The following FCHSD2 variants were observed in gnomAD, a reference collection of about 807,000 sequenced individuals.
The protein encoded by FCHSD2 is FCH and double SH3 domains 2, also known as F-BAR and double SH3 domains protein 2.
Under a neutral mutation model 108.1 loss-of-function variants are expected in FCHSD2, and 38 were observed. That is an observed-to-expected ratio of 0.35 (90% CI 0.27 to 0.46). FCHSD2 has a LOEUF of 0.46. Ranked by LOEUF, FCHSD2 falls within the 20% of genes least tolerant of loss-of-function variation. The probability of loss-of-function intolerance (pLI) is 1.00; values close to 1 mark genes in which losing one functional copy is unlikely to be tolerated. For missense variants in FCHSD2, 751 were observed against 897.8 expected (o/e 0.84, Z 2.09); for synonymous variants, 279 against 314.7 (o/e 0.89, Z 1.20).
At chr11:73,132,848 G>A in intron 2 of FCHSD2, among the ~76,000 whole-genome samples, 1 of 145,016 alleles carries the variant, frequency 6.9e-6, no homozygotes, top group Non-Finnish European at 1.5e-5. Context: ...AAAAACCTCA[G>A]GTGATTCTTC....
chr11:73,040,591 C>A (rs1013886895), intron 3 of FCHSD2, among the ~76,000 whole-genome samples: 2 of 152,122 alleles, frequency 1.3e-5, no homozygotes, highest in Non-Finnish European at 2.9e-5. Flanking sequence ...TTCGGTTTTA[C>A]AATTTTTTGT....
chr11:72,979,098 T>C (rs974323090), intron 8 of FCHSD2, among the ~76,000 whole-genome samples: 4 of 152,120 alleles, frequency 2.6e-5, no homozygotes, highest in African/African-American at 9.7e-5. Context: ...CCTCAGGTGA[T>C]CTGCCCACCT....
chr11:72,900,646 A>G (rs1413861179), intron 10 of FCHSD2, among the ~76,000 whole-genome samples: 1 of 150,254 alleles, frequency 6.7e-6, no homozygotes, highest in East Asian at 2.0e-4. Flanking sequence ...GGAGAATGTG[A>G]ATAAGTCATT....
chr11:73,133,082 C>G (rs1158006435), intron 2 of FCHSD2, among the ~76,000 whole-genome samples: 1 of 152,122 alleles, frequency 6.6e-6, no homozygotes, highest in Non-Finnish European at 1.5e-5. Context: ...TTCACATCCA[C>G]TAGAATGCCT....
chr11:73,139,693 T>G lies in FCHSD2; in HGVS notation c.119+338A>C, dbSNP rs945188666. 2.0e-5 allele frequency among the ~76,000 whole-genome samples: 3 copies of G among 152,358 alleles called. No individual in the cohort carries two copies. The East Asian group carries it at 5.8e-4, about 29-fold the overall frequency. ...TTAACCACAAGTGTTGGTTTAAAAA[T>G]CTAACTGTGTAAAACCGTTAAGGTC... On this transcript the variant is annotated intron_variant, in intron 2 of 19. Transcript: ENST00000409418.
chr11:72,980,797 T>C lies in FCHSD2; in HGVS notation c.705+3291A>G, dbSNP rs951872540. Reference sequence around the variant, plus strand: ...ATACATCTCACTCTCTTCTACCATATTGAGCTCTTTGAGGATAAGTAGTAT... The same window carrying C: ...ATACATCTCACTCTCTTCTACCATACTGAGCTCTTTGAGGATAAGTAGTAT... On this transcript the variant is annotated intron_variant, in intron 8 of 19. Transcript: ENST00000409418. 3.3e-5 allele frequency among the ~76,000 whole-genome samples: 5 copies of C among 151,864 alleles called. No individual in the cohort carries two copies. In the South Asian group the frequency reaches 8.3e-4, roughly 25 times the overall value.
At chr11:72,900,311 T>C (rs756643048) in intron 10 of FCHSD2, 6 of 1,547,818 alleles carry the variant, frequency 3.9e-6, no homozygotes, top group African/African-American at 2.7e-5. Context: ...TATCCACCAG[T>C]TGGGCGGCTT....
intron 4 of FCHSD2, among the ~76,000 whole-genome samples, chr11:73,006,856 T>A (rs1857751975): frequency 6.6e-6 from 1 of 152,216 alleles, no homozygotes; most frequent in Non-Finnish European, 1.5e-5. Flanking sequence ...CAATACATAT[T>A]TACTGGAGGA....
intron 8 of FCHSD2, among the ~76,000 whole-genome samples, chr11:72,979,086 G>T (rs1435935718): frequency 6.6e-6 from 1 of 152,004 alleles, no homozygotes; most frequent in African/African-American, 2.4e-5. Flanking sequence ...TCAAACTCCT[G>T]ACCTCAGGTG....
chr11:73,043,990 G>C (rs1858699803), intron 3 of FCHSD2, among the ~76,000 whole-genome samples: 1 of 152,172 alleles, frequency 6.6e-6, no homozygotes, highest in African/African-American at 2.4e-5. Context: ...AGGTGAGTGA[G>C]AAATAAATTT....
intron 2 of FCHSD2, among the ~76,000 whole-genome samples, chr11:73,120,341 A>C (rs1591570173): frequency 6.6e-6 from 1 of 152,226 alleles, no homozygotes. Context: ...TTTAAGAACA[A>C]TGTACATTTT....
Position 72,843,194 on chromosome 11 carries a change from C to T in FCHSD2, c.1662G>A (p.Thr554=), listed in dbSNP as rs142624444. The T allele has an allele frequency of 1.6e-4, 254 of 1,613,968 alleles. No individual in the cohort carries two copies. The highest frequency in any genetic ancestry group is 8.2e-4 in the Middle Eastern group (5 of 6,062). The change falls in exon 16 of 20, where the codon ACG becomes ACA. Residue 554 remains threonine, a synonymous_variant. Coordinates refer to ENST00000409418, the MANE Select transcript of FCHSD2 (RefSeq NM_014824.3). Reference sequence around the variant, plus strand: ...GGCTGCCTGAAACGAGTTCTGCTTCCGTGGAATTGCTGGACGTGTGTGACC... The same window carrying T: ...GGCTGCCTGAAACGAGTTCTGCTTCTGTGGAATTGCTGGACGTGTGTGACC... ...DSRSHTSSNS[T]EAELVSGSLN...
At chr11:72,845,275 G>C (rs1020821360) in intron 14 of FCHSD2, among the ~76,000 whole-genome samples, 1 of 151,668 alleles carries the variant, frequency 6.6e-6, no homozygotes, top group Non-Finnish European at 1.5e-5. Context: ...ACAAAAAATT[G>C]GTGGGTGTGG....
At chr11:72,953,551 A>T (rs1372512492) in intron 8 of FCHSD2, among the ~76,000 whole-genome samples, 1 of 152,182 alleles carries the variant, frequency 6.6e-6, no homozygotes, top group Non-Finnish European at 1.5e-5. Context: ...ATCCATAAAA[A>T]GTCACTCAAC....
At chr11:73,053,366 T>C (rs987732416) in intron 3 of FCHSD2, among the ~76,000 whole-genome samples, 18 of 152,200 alleles carry the variant, frequency 1.2e-4, no homozygotes, top group Non-Finnish European at 2.2e-4. Flanking sequence ...GGATAAATTA[T>C]TGGAATTGAC....
chr11:72,930,068 A>G (rs1856158064), intron 8 of FCHSD2, among the ~76,000 whole-genome samples: 1 of 152,118 alleles, frequency 6.6e-6, no homozygotes, highest in Admixed American at 6.5e-5. Context: ...GAAAAAAATA[A>G]TATGTTGTGA....
chr11:73,031,658 T>C (rs1430761689), intron 3 of FCHSD2, among the ~76,000 whole-genome samples: 2 of 152,138 alleles, frequency 1.3e-5, no homozygotes, highest in African/African-American at 2.4e-5. Flanking sequence ...CAAAGGACCA[T>C]ATTAACCAAC....
chr11:72,918,288 GCTCT>G (rs1011779840), intron 9 of FCHSD2, among the ~76,000 whole-genome samples: 1 of 151,944 alleles, frequency 6.6e-6, no homozygotes, highest in African/African-American at 2.4e-5. Context: ...TTTTTAATGG[GCTCT>G]CTGAGAGTTT....
chr11:72,876,166 A>T (rs1201796178), intron 12 of FCHSD2, among the ~76,000 whole-genome samples: 1 of 152,142 alleles, frequency 6.6e-6, no homozygotes, highest in Non-Finnish European at 1.5e-5. Context: ...CTCTATAAAA[A>T]AGGAAAATAA....
Sources: allele counts gnomAD v4.1 joint callset (sites outside exome capture counted in the v4.1 genomes callset), GRCh38; gene constraint gnomAD v4.1.1; transcripts MANE v1.5; gene names NCBI Gene and HGNC (gene_info 2026-07-23, HGNC 2026-07-21).